SH3RF2: variants seen among roughly 807,000 people sequenced by gnomAD.
The protein encoded by SH3RF2 is E3 ubiquitin-protein ligase SH3RF2.
SH3RF2 carries 43 observed loss-of-function variants against 59.0 expected under a neutral mutation model. The observed-to-expected ratio is 0.73, with a 90% CI of 0.57 to 0.94. The LOEUF is 0.94. Among genes scored for constraint, SH3RF2 ranks in the 40% least tolerant of loss-of-function variants. The pLI, the probability that SH3RF2 is intolerant of heterozygous loss-of-function variation, is 0.00. For missense variants in SH3RF2, 930 were observed against 940.1 expected (o/e 0.99, Z 0.14); for synonymous variants, 391 against 391.5 (o/e 1.00, Z 0.01).
chr5:146,000,687 G>A (rs1760373608), intron 3 of SH3RF2, among the ~76,000 whole-genome samples: 1 of 152,044 alleles, frequency 6.6e-6, no homozygotes, highest in Non-Finnish European at 1.5e-5. Flanking sequence ...ATACAGATAA[G>A]CAAAACAAGG....
At chr5:146,014,140 GTT>G (rs1185969218) in intron 5 of SH3RF2, 79 bp downstream of exon 5, 1 of 1,492,710 alleles carries the variant, frequency 6.7e-7, no homozygotes, top group Non-Finnish European at 9.2e-7. Context: ...AATATTTGAT[GTT>G]TAGTACTTGC....
chr5:145,978,267 A>C (rs909898123), intron 2 of SH3RF2, among the ~76,000 whole-genome samples: 1 of 152,196 alleles, frequency 6.6e-6, no homozygotes, highest in Admixed American at 6.5e-5. Flanking sequence ...ACCTAAGATT[A>C]TAAGAGTGGC....
At chr5:146,079,479 A>G (rs1763391974) in exon 10 of SH3RF2, 1 of 152,244 alleles carries the variant, frequency 6.6e-6, no homozygotes, top group Non-Finnish European at 1.5e-5. Flanking sequence ...TCTGATTATC[A>G]AAGACAATAA....
intron 5 of SH3RF2, among the ~76,000 whole-genome samples, chr5:146,039,643 C>T (rs905952304): frequency 2.6e-5 from 4 of 152,204 alleles, no homozygotes; most frequent in African/African-American, 9.6e-5. Flanking sequence ...TTGTCATTCA[C>T]TGCTGGTGGA....
At chr5:146,000,010 T>A (rs746078630) in intron 2 of SH3RF2, 48 bp from the exon 3 acceptor site, 1 of 1,588,730 alleles carries the variant, frequency 6.3e-7, no homozygotes, top group Non-Finnish European at 8.5e-7. Context: ...CTTCTGTTCC[T>A]CTAGACTCTA....
intron 2 of SH3RF2, among the ~76,000 whole-genome samples, chr5:145,995,231 C>T (rs559448781): frequency 2.4e-3 from 361 of 152,248 alleles, no homozygotes; most frequent in African/African-American, 8.2e-3. Flanking sequence ...AAGAAAACTC[C>T]GGACGGATGC....
intron 5 of SH3RF2, among the ~76,000 whole-genome samples, chr5:146,036,657 T>C (rs769232640): frequency 2.6e-5 from 4 of 152,130 alleles, no homozygotes; most frequent in Non-Finnish European, 5.9e-5. Context: ...ATCACGTCAC[T>C]GCACTCCAGT....
At chr5:146,014,535 G>A (rs1408950502) in intron 5 of SH3RF2, among the ~76,000 whole-genome samples, 12 of 152,164 alleles carry the variant, frequency 7.9e-5, no homozygotes, top group Non-Finnish European at 1.5e-4. Flanking sequence ...GTTATTGAAT[G>A]TTCTCAGGAC....
At chr5:145,967,745 C>T (rs1303815334) in intron 2 of SH3RF2, among the ~76,000 whole-genome samples, 13 of 152,210 alleles carry the variant, frequency 8.5e-5, no homozygotes, top group South Asian at 6.2e-4. Context: ...CTGCAACCTC[C>T]GCCTCCCAGG....
In SH3RF2 at chr5:146,014,061, G is replaced by T. The variant is rs952833124; in HGVS notation, c.1059G>T (p.Gln353His). 1.2e-6 allele frequency: 2 copies of T among 1,612,190 alleles called. No individual in the cohort carries two copies. The highest frequency in any genetic ancestry group is 1.7e-5 in the Admixed American group (1 of 59,348). Residue 353 changes from glutamine to histidine, a missense_variant and splice_region_variant, in exon 5 of 10, where the codon CAG (glutamine) becomes CAT (histidine). By Grantham distance (24) the Gln-to-His change is conservative. Coordinates refer to ENST00000359120, the MANE Select transcript of SH3RF2 (RefSeq NM_152550.4). ...ACGTTCCTTCCAGCTGTGTGGGACA[G>T]GTAGGGAAGAAACGCCTGGGATGAG... ...KADVPSSCVG[Q>H]VSTYHPAPVS...
chr5:146,064,114 G>T (rs1208673228), downstream of SH3RF2, among the ~76,000 whole-genome samples: 2 of 152,108 alleles, frequency 1.3e-5, no homozygotes, highest in African/African-American at 2.4e-5. Context: ...GACAAAGAAG[G>T]CTGGAGGAGA....
chr5:146,078,974 CA>C (rs1476262451), exon 10 of SH3RF2: 1 of 152,276 alleles, frequency 6.6e-6, no homozygotes, highest in Non-Finnish European at 1.5e-5. Context: ...CCATCACCCC[CA>C]GCCCGACTCC....
chr5:146,055,742 T>G (rs1387053075), intron 7 of SH3RF2: 9 of 563,340 alleles, frequency 1.6e-5, no homozygotes, highest in South Asian at 6.6e-5. Flanking sequence ...CACCAAGGCC[T>G]TGATATGAGC....
intron 2 of SH3RF2, among the ~76,000 whole-genome samples, chr5:145,947,354 C>T (rs1277572675): frequency 2.0e-5 from 3 of 152,116 alleles, no homozygotes; most frequent in African/African-American, 7.2e-5. Flanking sequence ...ATGAGTACTG[C>T]CTGTGTGTTT....
At chr5:145,986,606 C>T (rs1313228030) in intron 2 of SH3RF2, among the ~76,000 whole-genome samples, 1 of 152,170 alleles carries the variant, frequency 6.6e-6, no homozygotes, top group Non-Finnish European at 1.5e-5. Flanking sequence ...TCTTTTGCTT[C>T]CCTGGGGAGT....
At chr5:145,997,041 G>A (rs1040251349) in intron 2 of SH3RF2, among the ~76,000 whole-genome samples, 3 of 152,200 alleles carry the variant, frequency 2.0e-5, no homozygotes, top group African/African-American at 7.2e-5. Context: ...TCATAGACAT[G>A]GCGGTCATCA....
At chr5:146,052,673 C>T (rs1256504580) in intron 7 of SH3RF2, among the ~76,000 whole-genome samples, 1 of 152,094 alleles carries the variant, frequency 6.6e-6, no homozygotes, top group Non-Finnish European at 1.5e-5. Context: ...AAAAAAGGCT[C>T]CCATCCCCAC....
chr5:145,970,437 G>A (rs1048493732), intron 2 of SH3RF2, among the ~76,000 whole-genome samples: 62 of 152,190 alleles, frequency 4.1e-4, no homozygotes, highest in African/African-American at 1.4e-3. Flanking sequence ...CCAGGTTGCT[G>A]AGAATGCCAT....
At chr5:146,023,759 C>A (rs965000452) in intron 5 of SH3RF2, among the ~76,000 whole-genome samples, 7 of 152,184 alleles carry the variant, frequency 4.6e-5, no homozygotes, top group African/African-American at 7.2e-5. Flanking sequence ...CCCAAACTAC[C>A]ATTTCCTTTA....
Sources: allele counts gnomAD v4.1 joint callset (sites outside exome capture counted in the v4.1 genomes callset), GRCh38; gene constraint gnomAD v4.1.1; transcripts MANE v1.5; gene names NCBI Gene and HGNC (gene_info 2026-07-23, HGNC 2026-07-21).